KDM4B: variants seen among roughly 807,000 people sequenced by gnomAD.
The protein encoded by KDM4B is lysine-specific demethylase 4B.
A neutral mutation model predicts 125.2 loss-of-function variants in KDM4B; 32 were observed. The ratio of observed to expected loss-of-function variants is 0.26; its 90% CI spans 0.19 to 0.34. The LOEUF is 0.34. Among genes scored for constraint, KDM4B ranks in the 10% least tolerant of loss-of-function variants. The pLI is 1.00. For missense variants in KDM4B, 1,190 were observed against 1,577.7 expected, an observed-to-expected ratio of 0.75 and a Z score of 4.16; for synonymous variants, 721 against 677.9, an observed-to-expected ratio of 1.06 and a Z score of -0.99.
In KDM4B at chr19:5,151,396, A is replaced by G. The variant is rs2146127308; in HGVS notation, c.3176A>G (p.Lys1059Arg). ...AFSGEEAKAA[K>R]RPRVGTPLAT... ...TCGGGGGAGGAGGCCAAGGCCGCCA[A>G]GCGCCCGCGTGTGGGCACCCCGCTT... The change falls in exon 23 of 23, where the codon AAG (lysine) becomes AGG (arginine). Residue 1059 changes from lysine (K) to arginine (R), a missense_variant. Coordinates refer to ENST00000159111, the MANE Select transcript of KDM4B (RefSeq NM_015015.3). 1 of 1,585,362 alleles carries G rather than the reference A, an allele frequency of 6.3e-7. No homozygotes were observed. Among genetic ancestry groups the G allele is most frequent in the Non-Finnish European group, 8.6e-7 (1 of 1,168,046 alleles).
intron 11 of KDM4B, among the ~76,000 whole-genome samples, chr19:5,123,433 C>T (rs2039397226): frequency 6.6e-6 from 1 of 152,200 alleles, no homozygotes; most frequent in Admixed American, 6.5e-5. Flanking sequence ...CCAGATTCCC[C>T]CCTTCCTAAG....
intron 9 of KDM4B, among the ~76,000 whole-genome samples, chr19:5,089,051 G>A (rs2038602817): frequency 6.6e-6 from 1 of 152,168 alleles, no homozygotes; most frequent in Non-Finnish European, 1.5e-5. Flanking sequence ...GGGGGCTGGA[G>A]GGTGACAACG....
At chr19:5,106,503 G>A (rs564494025) in intron 9 of KDM4B, among the ~76,000 whole-genome samples, 4 of 152,296 alleles carry the variant, frequency 2.6e-5, no homozygotes, top group South Asian at 4.1e-4. Context: ...AGTAGGGGCC[G>A]TGATGCTGAC....
intron 21 of KDM4B, 112 bp from the exon 22 acceptor site, chr19:5,150,246 C>CG (rs776814050): frequency 2.4e-5 from 18 of 736,094 alleles, no homozygotes; most frequent in Non-Finnish European, 2.7e-5. Context: ...TGGCCTCTAG[C>CG]GGGCCCCATG....
At chr19:5,116,805 A>G (rs2039265129) in intron 10 of KDM4B, among the ~76,000 whole-genome samples, 1 of 152,160 alleles carries the variant, frequency 6.6e-6, no homozygotes, top group African/African-American at 2.4e-5. Context: ...AAAAGCGTAA[A>G]CGTGGAATTT....
At chr19:5,009,873 A>G (rs1018619329) in intron 1 of KDM4B, among the ~76,000 whole-genome samples, 5 of 152,130 alleles carry the variant, frequency 3.3e-5, no homozygotes, top group Non-Finnish European at 7.3e-5. Flanking sequence ...CTGGGATTAC[A>G]GGTGCCTTCC....
At chr19:5,088,806 A>G (rs908379399) in intron 9 of KDM4B, among the ~76,000 whole-genome samples, 3 of 152,122 alleles carry the variant, frequency 2.0e-5, no homozygotes, top group African/African-American at 7.2e-5. Flanking sequence ...AGAAGGAAGA[A>G]TGTGCATTGT....
At chr19:5,087,202 G>T (rs564668255) in intron 9 of KDM4B, among the ~76,000 whole-genome samples, 5 of 152,282 alleles carry the variant, frequency 3.3e-5, no homozygotes, top group Non-Finnish European at 7.3e-5. Context: ...CAAGGAGGGG[G>T]TGGGATTTAT....
chr19:5,031,238 G>A (rs879072150), intron 2 of KDM4B, among the ~76,000 whole-genome samples: 14 of 152,252 alleles, frequency 9.2e-5, no homozygotes, highest in Non-Finnish European at 1.9e-4. Context: ...CCTGGCTGTG[G>A]GCGAGGGGCC....
chr19:5,144,596 T>C (rs2039808873), intron 20 of KDM4B, among the ~76,000 whole-genome samples, 184 bp downstream of exon 20: 1 of 152,092 alleles, frequency 6.6e-6, no homozygotes, highest in Non-Finnish European at 1.5e-5. Flanking sequence ...AAAGCACCGC[T>C]CACTGTTCAG....
intron 5 of KDM4B, 82 bp from the exon 6 acceptor site, chr19:5,047,392 CTG>C (rs2037059857): frequency 7.4e-7 from 1 of 1,342,296 alleles, no homozygotes; most frequent in Non-Finnish European, 1.0e-6. Context: ...CCCTGGGACT[CTG>C]GGGAGAATTA....
At chr19:5,092,997 G>A (rs1255206987) in intron 9 of KDM4B, among the ~76,000 whole-genome samples, 1 of 152,210 alleles carries the variant, frequency 6.6e-6, no homozygotes, top group Non-Finnish European at 1.5e-5. Context: ...GGGGCCTGTG[G>A]TTCATACCTG....
intron 9 of KDM4B, among the ~76,000 whole-genome samples, chr19:5,104,684 G>A (rs573133901): frequency 6.6e-6 from 1 of 152,190 alleles, no homozygotes; most frequent in South Asian, 2.1e-4. Context: ...AAATAGGACT[G>A]CTTTTAGGTG....
At chr19:5,027,852 T>G (rs893110710) in intron 2 of KDM4B, among the ~76,000 whole-genome samples, 4 of 152,222 alleles carry the variant, frequency 2.6e-5, no homozygotes, top group African/African-American at 9.7e-5. Context: ...TCTTTTTAAT[T>G]TTTTTGCTAA....
At chr19:5,143,731 G>A (rs1286129959) in intron 18 of KDM4B, among the ~76,000 whole-genome samples, 3 of 152,212 alleles carry the variant, frequency 2.0e-5, no homozygotes, top group Admixed American at 2.0e-4. Flanking sequence ...ATGCAGGGGG[G>A]ATGGGAGAGG....
At chr19:5,059,654 C>A (rs1306088134) in intron 6 of KDM4B, among the ~76,000 whole-genome samples, 1 of 152,246 alleles carries the variant, frequency 6.6e-6, no homozygotes, top group Non-Finnish European at 1.5e-5. Flanking sequence ...AAGCTAGTCC[C>A]ATCATTACAC....
rs182191554 is a variant in KDM4B, at chr19:5,119,865, C to T, written c.1315+13C>T. On this transcript the variant is annotated intron_variant, in intron 11 of 22. Transcript: ENST00000159111. ...GAGGGCGCAGAAGGTCAGTCCCTGC[C>T]GGGCCAGGCCTGGCACCGCTGTTTT... 1.6e-4 allele frequency: 243 copies of T among 1,544,572 alleles called. 1 individual carries two copies. The East Asian group carries it at 5.6e-3, about 35-fold the overall frequency.
chr19:4,973,794 C>T (rs1436299197), intron 1 of KDM4B, among the ~76,000 whole-genome samples: 1 of 149,012 alleles, frequency 6.7e-6, no homozygotes, highest in Non-Finnish European at 1.5e-5. Flanking sequence ...TTGCTGTGAA[C>T]CTAAAACTGC....
chr19:5,090,398 CTCTCTCTCTCCCCCTCTCCCCCTCTG>C (rs2038657374), intron 9 of KDM4B, among the ~76,000 whole-genome samples: 1 of 52,812 alleles, frequency 1.9e-5, no homozygotes, highest in Non-Finnish European at 3.8e-5. Flanking sequence ...CTCCCCCTCT[CTCTCTCTCTCCCCCTCTCCCCCTCTG>C]TCTCTCTCTC....
Sources: gnomAD v4.1 joint callset for allele counts (sites outside exome capture counted in the v4.1 genomes callset) on GRCh38, gnomAD v4.1.1 for gene constraint, MANE v1.5 for transcripts, NCBI Gene and HGNC (gene_info 2026-07-23, HGNC 2026-07-21) for gene names.